The following NNT variants were observed in gnomAD, a reference collection of about 807,000 sequenced individuals.
The protein encoded by NNT is nicotinamide nucleotide transhydrogenase.
Under a neutral mutation model 104.8 loss-of-function variants are expected in NNT, and 50 were observed. That is an observed-to-expected ratio of 0.48 (90% confidence interval 0.38 to 0.60). The LOEUF is 0.60. Among genes scored for constraint, NNT ranks in the 20% least tolerant of loss-of-function variants. The pLI is 0.00. For synonymous variants in NNT, 461 were observed against 490.4 expected, an observed-to-expected ratio of 0.94 and a Z score of 0.79; for missense variants, 1,131 against 1,330.7, an observed-to-expected ratio of 0.85 and a Z score of 2.33.
intron 17 of NNT, among the ~76,000 whole-genome samples, chr5:43,670,049 A>G (rs1740963677): frequency 6.6e-6 from 1 of 151,752 alleles, no homozygotes; most frequent in South Asian, 2.1e-4. Context: ...TTTCTTCTAG[A>G]TTTTCTGGCT....
At chr5:43,652,009 T>C in intron 13 of NNT, 125 bp downstream of exon 13, 1 of 1,024,676 alleles carries the variant, frequency 9.8e-7, no homozygotes, top group East Asian at 2.5e-5. Context: ...AATACAACAA[T>C]AACCCTAGAA....
chr5:43,639,716 T>C (rs769299672), intron 7 of NNT, among the ~76,000 whole-genome samples: 2 of 152,140 alleles, frequency 1.3e-5, no homozygotes, highest in Non-Finnish European at 2.9e-5. Context: ...ACAGTTTTCT[T>C]GGCAAAAGTG....
chr5:43,642,802 T>C (rs1233253434), intron 7 of NNT, among the ~76,000 whole-genome samples: 1 of 152,236 alleles, frequency 6.6e-6, no homozygotes, highest in African/African-American at 2.4e-5. Flanking sequence ...CAACCTTTTA[T>C]TTCCACATGT....
At chr5:43,641,465 C>T (rs1751234606) in intron 7 of NNT, among the ~76,000 whole-genome samples, 1 of 151,920 alleles carries the variant, frequency 6.6e-6, no homozygotes. Flanking sequence ...TAAGGAAAAG[C>T]ACAGAGAAGA....
chr5:43,612,571 T>C lies in NNT; in HGVS notation c.152-337T>C, dbSNP rs986242681. ...AAGGAGACCATAACCTTGCCCTTAG[T>C]TTGAAGAATGGAGTCAGCATGTGGA... On this transcript the variant is annotated intron_variant, in intron 2 of 21. Coordinates refer to ENST00000344920, the MANE Select transcript of NNT (RefSeq NM_182977.3). 2.0e-5 allele frequency among the ~76,000 whole-genome samples: 3 copies of C among 152,164 alleles called. 1 individual carries two copies. In the East Asian group the frequency reaches 5.8e-4, roughly 29 times the overall value.
intron 19 of NNT, among the ~76,000 whole-genome samples, chr5:43,686,497 G>C (rs1490065029): frequency 1.3e-5 from 2 of 151,830 alleles, no homozygotes; most frequent in Non-Finnish European, 2.9e-5. Flanking sequence ...TTTTGATGTA[G>C]CTGCAAATAC....
At chr5:43,619,243 G>A (rs935848166) in intron 5 of NNT, 124 bp downstream of exon 5, 3 of 397,184 alleles carry the variant, frequency 7.6e-6, no homozygotes, top group Non-Finnish European at 1.3e-5. Flanking sequence ...TTTTTGGTGT[G>A]TATAAATATT....
chr5:43,690,087 C>T (rs1035753115), intron 19 of NNT, among the ~76,000 whole-genome samples: 2 of 152,060 alleles, frequency 1.3e-5, no homozygotes, highest in Admixed American at 1.3e-4. Flanking sequence ...ATTTGGAAAA[C>T]ATGTTTGAGG....
At chr5:43,604,960 C>T (rs895476333) in intron 1 of NNT, among the ~76,000 whole-genome samples, 1 of 152,126 alleles carries the variant, frequency 6.6e-6, no homozygotes, top group Non-Finnish European at 1.5e-5. Context: ...GCGTGAGCCA[C>T]CACCCTGGGT....
At chr5:43,651,122 C>G (rs1739734626) in intron 12 of NNT, among the ~76,000 whole-genome samples, 1 of 152,132 alleles carries the variant, frequency 6.6e-6, no homozygotes, top group African/African-American at 2.4e-5. Context: ...GGAAAAGATA[C>G]CAATCTTTGA....
intron 7 of NNT, among the ~76,000 whole-genome samples, chr5:43,638,452 A>G (rs1751050996): frequency 6.6e-6 from 1 of 152,176 alleles, no homozygotes; most frequent in Admixed American, 6.6e-5. Flanking sequence ...CTTACTGTGT[A>G]AATGATAAAG....
intron 15 of NNT, among the ~76,000 whole-genome samples, chr5:43,656,383 A>T (rs951368303): frequency 3.9e-5 from 6 of 152,220 alleles, no homozygotes; most frequent in Non-Finnish European, 5.9e-5. Flanking sequence ...AGAAATTGTA[A>T]GAGTTTTTTT....
At chr5:43,646,146 A>G (rs1452052301) in intron 10 of NNT, among the ~76,000 whole-genome samples, 1 of 152,082 alleles carries the variant, frequency 6.6e-6, no homozygotes, top group African/African-American at 2.4e-5. Context: ...GGAATTGGAG[A>G]TTACATTTAT....
chr5:43,660,773 G>A (rs1337830268), intron 17 of NNT, among the ~76,000 whole-genome samples: 2 of 152,094 alleles, frequency 1.3e-5, no homozygotes, highest in Middle Eastern at 3.2e-3. Context: ...ACCAGATCTC[G>A]TGAGAACTCA....
intron 16 of NNT, among the ~76,000 whole-genome samples, chr5:43,657,931 TTG>T (rs1361414761): frequency 6.6e-6 from 1 of 152,012 alleles, no homozygotes; most frequent in Non-Finnish European, 1.5e-5. Flanking sequence ...GGTCAGGAGT[TTG>T]TGACTAGCCT....
chr5:43,665,117 C>T (rs995569715), intron 17 of NNT, among the ~76,000 whole-genome samples: 2 of 152,126 alleles, frequency 1.3e-5, no homozygotes, highest in Non-Finnish European at 2.9e-5. Flanking sequence ...TACATCTGTA[C>T]AGCGGTACAT....
chr5:43,621,234 A>C (rs1332205631), intron 5 of NNT, among the ~76,000 whole-genome samples: 1 of 152,216 alleles, frequency 6.6e-6, no homozygotes, highest in Non-Finnish European at 1.5e-5. Context: ...ACTTTCTTAA[A>C]ACATTATGTG....
intron 3 of NNT, 90 bp downstream of exon 3, chr5:43,613,227 C>A: frequency 1.0e-6 from 1 of 981,012 alleles, no homozygotes; most frequent in Non-Finnish European, 1.5e-6. Flanking sequence ...TCTGGAGTTA[C>A]ACCTTTTCCT....
chr5:43,699,353 C>CTTTTT (rs11397352), intron 19 of NNT, among the ~76,000 whole-genome samples: 7 of 122,488 alleles, frequency 5.7e-5, no homozygotes, highest in African/African-American at 1.3e-4. Context: ...ATCTCCCTAC[C>CTTTTT]TTTTTTTTTT....
Sources: gnomAD v4.1 joint callset for allele counts (sites outside exome capture counted in the v4.1 genomes callset) on GRCh38, gnomAD v4.1.1 for gene constraint, MANE v1.5 for transcripts, NCBI Gene and HGNC (gene_info 2026-07-23, HGNC 2026-07-21) for gene names.